IKZF2: variants seen among roughly 807,000 people sequenced by gnomAD.
IKZF2 encodes IKAROS family zinc finger 2.
IKZF2 carries 15 observed loss-of-function variants against 49.2 expected under a neutral mutation model. The observed-to-expected ratio is 0.30, with a 90% CI of 0.20 to 0.47. The LOEUF is 0.47. IKZF2 is among the 20% of genes least tolerant of loss of function. The pLI, the probability that IKZF2 is intolerant of heterozygous loss-of-function variation, is 1.00. For missense variants in IKZF2, 567 were observed against 664.6 expected, an observed-to-expected ratio of 0.85 and a Z score of 1.61; for synonymous variants, 227 against 221.4, an observed-to-expected ratio of 1.03 and a Z score of -0.23.
In IKZF2 at chr2:213,013,837, C is replaced by G; in HGVS notation, c.810G>C (p.Thr270=). ...AGCTTTTACGTTTTCCCATATTCCCCGTGAGCTTCTCTATGACAGCAGGTC... is the reference window on the plus strand; with the variant it reads ...AGCTTTTACGTTTTCCCATATTCCCGGTGAGCTTCTCTATGACAGCAGGTC... ...FERPAVIEKL[T]GNMGKRKSST... The change falls in exon 8 of 9, where the codon ACG becomes ACC. Residue 270 remains threonine, a synonymous_variant. Transcript: ENST00000434687. 2.5e-6 allele frequency: 4 copies of G among 1,611,854 alleles called. No homozygotes were observed. Among genetic ancestry groups the G allele is most frequent in the Non-Finnish European group, 3.4e-6 (4 of 1,178,438 alleles).
chr2:213,111,257 C>A (rs116423846), intron 4 of IKZF2, among the ~76,000 whole-genome samples: 1,541 of 152,042 alleles, frequency 0.01, 18 homozygotes, highest in Non-Finnish European at 0.016. Flanking sequence ...ATGTATATAT[C>A]TTTGTTCCAA....
At chr2:213,016,353 C>T (rs1696599695) in intron 7 of IKZF2, among the ~76,000 whole-genome samples, 1 of 152,094 alleles carries the variant, frequency 6.6e-6, no homozygotes. Flanking sequence ...GAGCCTGGCT[C>T]AACCATTACG....
At chr2:213,135,679 C>T (rs1419632767) in intron 4 of IKZF2, among the ~76,000 whole-genome samples, 1 of 149,504 alleles carries the variant, frequency 6.7e-6, no homozygotes, top group East Asian at 2.0e-4. Context: ...AACAAGACCC[C>T]ATCTCAGGAA....
At chr2:213,103,535 C>A (rs2059420050) in intron 4 of IKZF2, among the ~76,000 whole-genome samples, 1 of 152,030 alleles carries the variant, frequency 6.6e-6, no homozygotes, top group South Asian at 2.1e-4. Flanking sequence ...TGATAAATAG[C>A]CTTTTTTTCT....
At chr2:213,136,048 CAA>C (rs534093528) in intron 4 of IKZF2, among the ~76,000 whole-genome samples, 1,939 of 105,400 alleles carry the variant, frequency 0.018, 44 homozygotes, top group African/African-American at 0.056. Flanking sequence ...GACTCCGTTT[CAA>C]AAAAAAAAAA....
intron 4 of IKZF2, among the ~76,000 whole-genome samples, chr2:213,130,753 T>C (rs547944949): frequency 1.3e-5 from 2 of 152,306 alleles, no homozygotes; most frequent in Admixed American, 1.3e-4. Context: ...CTTTCCTATA[T>C]ATGCCAGTTA....
chr2:213,106,553 T>C (rs988925579), intron 4 of IKZF2, among the ~76,000 whole-genome samples: 1 of 149,878 alleles, frequency 6.7e-6, no homozygotes, highest in African/African-American at 2.5e-5. Context: ...GAGGATCTCT[T>C]GAGCCCAGGA....
chr2:213,104,270 A>AT (rs1306499750), intron 4 of IKZF2, among the ~76,000 whole-genome samples: 1 of 151,752 alleles, frequency 6.6e-6, no homozygotes, highest in African/African-American at 2.4e-5. Context: ...ACAAAAAAAA[A>AT]AAAAAAGAAA....
chr2:213,021,881 ATTT>A, intron 7 of IKZF2, 109 bp downstream of exon 7: 1 of 1,162,860 alleles, frequency 8.6e-7, no homozygotes, highest in Non-Finnish European at 1.2e-6. Flanking sequence ...AGCTCAACTC[ATTT>A]AAGTTAAAGT....
At chr2:213,146,808 C>G (rs1168725286) in intron 4 of IKZF2, among the ~76,000 whole-genome samples, 5 of 141,518 alleles carry the variant, frequency 3.5e-5, no homozygotes, top group Non-Finnish European at 6.2e-5. Context: ...ATTGCCAAAA[C>G]AGAAAACTTG....
chr2:213,125,335 C>A (rs568410361), intron 4 of IKZF2, among the ~76,000 whole-genome samples: 39 of 152,168 alleles, frequency 2.6e-4, no homozygotes, highest in African/African-American at 8.7e-4. Flanking sequence ...TAATTTCTCC[C>A]AGACACTGAA....
intron 4 of IKZF2, among the ~76,000 whole-genome samples, chr2:213,128,804 C>CTTTTTTTTTTTTTTTT (rs1184422126): frequency 3.5e-5 from 4 of 113,178 alleles, no homozygotes; most frequent in Non-Finnish European, 5.2e-5. Context: ...ATTTTTTTTT[C>CTTTTTTTTTTTTTTTT]TTTTTTTTTT....
chr2:213,025,089 T>C (rs1257541842), intron 6 of IKZF2, among the ~76,000 whole-genome samples: 1 of 152,114 alleles, frequency 6.6e-6, no homozygotes, highest in Non-Finnish European at 1.5e-5. Flanking sequence ...TCCATAGGCT[T>C]TTATTAATCC....
chr2:213,044,981 T>C (rs1483275912), intron 6 of IKZF2, among the ~76,000 whole-genome samples: 1 of 152,112 alleles, frequency 6.6e-6, no homozygotes, highest in Non-Finnish European at 1.5e-5. Context: ...CATAAAACTG[T>C]AGTAAAAAAA....
rs563823131 is a variant in IKZF2 at position 213,001,189 on chromosome 2, C to A, written c.*6171G>T. ...GCAATCATTCTGGGATTGCAAATAA[C>A]ACATGGTCTAAAAGGTCCAACTATT... On this transcript the variant is annotated 3_prime_UTR_variant, in exon 9 of 9. Coordinates refer to ENST00000434687, the MANE Select transcript of IKZF2 (RefSeq NM_001387220.1). The A allele has an allele frequency of 5.9e-5, 9 of 152,020 alleles. No individual in the cohort carries two copies. The East Asian group carries it at 1.6e-3, about 26-fold the overall frequency. The allele number at this position is 152,020 out of a possible 1,614,324, so 9.4% of individuals were successfully genotyped here. A position where few individuals can be genotyped will look rare whatever the true frequency, so the allele number is the denominator to read the frequency against.
intron 4 of IKZF2, among the ~76,000 whole-genome samples, chr2:213,099,856 G>GAC (rs1393895090): frequency 6.6e-6 from 1 of 152,036 alleles, no homozygotes; most frequent in African/African-American, 2.4e-5. Flanking sequence ...TAAGATAAAA[G>GAC]ACACCCTATT....
rs923914539 is a variant in IKZF2, at chr2:213,006,280, G to A, written c.*1080C>T. On this transcript the variant is annotated 3_prime_UTR_variant, in exon 9 of 9. Coordinates refer to ENST00000434687, the MANE Select transcript of IKZF2 (RefSeq NM_001387220.1). The stretch of plus-strand genomic sequence containing the variant: ...TGAATGAACTATGGACAGAACACCG[G>A]GAGGTCACATCTTGAAAAAAACTAG... 4 of 152,304 alleles carry A rather than the reference G, an allele frequency of 2.6e-5. No homozygotes were observed. The highest frequency in any genetic ancestry group is 6.6e-5 in the Admixed American group (1 of 15,226). The allele number at this position is 152,304 out of a possible 1,614,324, so 9.4% of individuals were successfully genotyped here. A position where few individuals can be genotyped will look rare whatever the true frequency, so the allele number is the denominator to read the frequency against.
intron 6 of IKZF2, among the ~76,000 whole-genome samples, chr2:213,023,886 C>T (rs1416605372): frequency 6.6e-6 from 1 of 152,164 alleles, no homozygotes; most frequent in Non-Finnish European, 1.5e-5. Flanking sequence ...TTCTCCTATA[C>T]TTTCTTCCCC....
chr2:213,123,696 G>A (rs2060129899), intron 4 of IKZF2, among the ~76,000 whole-genome samples: 1 of 152,062 alleles, frequency 6.6e-6, no homozygotes, highest in African/African-American at 2.4e-5. Context: ...GGTTTGGTTT[G>A]GTTTTGTTAT....
Sources: allele counts gnomAD v4.1 joint callset (sites outside exome capture counted in the v4.1 genomes callset), GRCh38; gene constraint gnomAD v4.1.1; transcripts MANE v1.5; gene names NCBI Gene and HGNC (gene_info 2026-07-23, HGNC 2026-07-21).